The following PDXDC1 variants were observed in gnomAD, a reference collection of about 807,000 sequenced individuals.
The protein encoded by PDXDC1 is pyridoxal dependent decarboxylase domain containing 1, also known as pyridoxal-dependent decarboxylase domain-containing protein 1.
In PDXDC1, 42 loss-of-function variants were observed where a neutral mutation model predicts 100.1. The ratio of observed to expected loss-of-function variants is 0.42; its 90% CI spans 0.33 to 0.54. PDXDC1 has a LOEUF of 0.54. Ranked by LOEUF, PDXDC1 falls within the 20% of genes least tolerant of loss-of-function variation. The pLI is 0.10. For synonymous variants in PDXDC1, 260 were observed against 371.7 expected (o/e 0.70, Z 3.46); for missense variants, 636 against 979.2 (o/e 0.65, Z 4.68).
At chr16:15,137,381 C>A in intron 16 of PDXDC1, 1 of 1,517,514 alleles carries the variant, frequency 6.6e-7, no homozygotes, top group Non-Finnish European at 8.8e-7. Flanking sequence ...CCCACACAGG[C>A]ACCAGCCCTG....
chr16:15,130,578 GC>G (rs1209808649), intron 16 of PDXDC1: 2 of 1,362,864 alleles, frequency 1.5e-6, no homozygotes, highest in Non-Finnish European at 2.1e-6. Context: ...TGTAACCCGG[GC>G]AATGCTGACC....
chr16:15,151,886 G>C, the PDXDC1 span, among the ~76,000 whole-genome samples: 1 of 130,914 alleles, frequency 7.6e-6, no homozygotes, highest in African/African-American at 2.6e-5. Context: ...AGCCGAGATC[G>C]TGCCGTTGCA....
chr16:14,983,914 A>G (rs1388442526), intron 1 of PDXDC1, among the ~76,000 whole-genome samples: 1 of 152,220 alleles, frequency 6.6e-6, no homozygotes, highest in Non-Finnish European at 1.5e-5. Flanking sequence ...TGTAATTTCA[A>G]CACTTTGGGA....
chr16:15,126,613 A>G (rs2047741669), intron 16 of PDXDC1: 1 of 142,456 alleles, frequency 7.0e-6, no homozygotes, highest in South Asian at 2.3e-4. Flanking sequence ...GCTTAGAAAA[A>G]TTCTATCGTG....
chr16:15,140,406 T>G (rs2048450537), downstream of PDXDC1, among the ~76,000 whole-genome samples: 2 of 130,152 alleles, frequency 1.5e-5, no homozygotes, highest in Non-Finnish European at 3.1e-5. Context: ...ATCGCGCCCC[T>G]GCACTCCAGC....
Position 15,036,314 on chromosome 16 carries a change from T to G in PDXDC1, c.*39T>G. On this transcript the variant is annotated 3_prime_UTR_variant, in exon 23 of 23. Coordinates refer to ENST00000396410, the MANE Select transcript of PDXDC1 (RefSeq NM_015027.4). ...GTTTGAGACTGTACTGAGTATTGTT[T>G]CAGGGAAGATGAAGTTCTATTGGAA... is the stretch of plus-strand genomic sequence containing the variant. The G allele has an allele frequency of 6.5e-7, 1 of 1,544,782 alleles. No homozygotes were observed. The highest frequency in any genetic ancestry group is 8.8e-7 in the Non-Finnish European group (1 of 1,132,844).
At chr16:14,996,667 C>G (rs1252524785) in intron 1 of PDXDC1, among the ~76,000 whole-genome samples, 1 of 152,282 alleles carries the variant, frequency 6.6e-6, no homozygotes, top group Non-Finnish European at 1.5e-5. Context: ...TCAGCCTGTG[C>G]AGCATAATGA....
intron 17 of PDXDC1, 178 bp from the exon 18 acceptor site, chr16:15,032,683 C>A (rs2043140554): frequency 8.4e-6 from 3 of 355,054 alleles, no homozygotes; most frequent in Admixed American, 4.6e-5. Flanking sequence ...TTTCCTGTGA[C>A]TTTCTCTTTA....
At chr16:15,019,783 G>A (rs1370614045) in intron 12 of PDXDC1, among the ~76,000 whole-genome samples, 2 of 152,394 alleles carry the variant, frequency 1.3e-5, no homozygotes, top group East Asian at 3.9e-4. Flanking sequence ...TAGGAATTTT[G>A]TGGGGACATA....
intron 16 of PDXDC1, among the ~76,000 whole-genome samples, chr16:15,098,706 CT>C (rs1266784583): frequency 2.0e-5 from 3 of 151,852 alleles, no homozygotes; most frequent in African/African-American, 7.3e-5. Flanking sequence ...TGGAAAAACC[CT>C]GTCTCTACTA....
the PDXDC1 span, among the ~76,000 whole-genome samples, chr16:15,150,334 C>T: frequency 1.3e-5 from 2 of 148,274 alleles, no homozygotes; most frequent in African/African-American, 5.0e-5. Flanking sequence ...GAGTGAGACT[C>T]CATCTCAAAT....
intron 16 of PDXDC1, among the ~76,000 whole-genome samples, chr16:15,122,069 C>G (rs1195397127): frequency 1.3e-5 from 2 of 151,526 alleles, no homozygotes; most frequent in East Asian, 2.0e-4. Context: ...GAGGCTGAGG[C>G]AGGACAATTG....
intron 16 of PDXDC1, chr16:15,125,871 G>A (rs1422023503): frequency 1.5e-5 from 12 of 793,780 alleles, no homozygotes; most frequent in South Asian, 4.2e-5. Flanking sequence ...TGGATGAGAA[G>A]CCACCTCCTC....
intron 16 of PDXDC1, among the ~76,000 whole-genome samples, chr16:15,073,894 A>G (rs1567199672): frequency 1.3e-5 from 2 of 152,150 alleles, no homozygotes; most frequent in Non-Finnish European, 2.9e-5. Context: ...CTGGGATTCA[A>G]TAACAATTAT....
At chr16:15,023,898 A>C (rs916540335) in intron 13 of PDXDC1, among the ~76,000 whole-genome samples, 1 of 152,286 alleles carries the variant, frequency 6.6e-6, no homozygotes, top group African/African-American at 2.4e-5. Context: ...CTTGACTGTC[A>C]AATGAAAGTA....
At position 15,036,343 on chromosome 16, in the gene PDXDC1, T is replaced by G; in HGVS notation, c.*68T>G. ...GGAAGATGAAGTTCTATTGGAAATGTGAACTGTGCCACATACTAATATAAA... is the reference window on the plus strand; with the variant it reads ...GGAAGATGAAGTTCTATTGGAAATGGGAACTGTGCCACATACTAATATAAA... On this transcript the variant is annotated 3_prime_UTR_variant, in exon 23 of 23. Transcript: ENST00000396410. 7.2e-7 allele frequency: 1 copy of G among 1,381,052 alleles called. No individual in the cohort carries two copies. The highest frequency in any genetic ancestry group is 1.3e-5 in the South Asian group (1 of 77,006). The allele number at this position is 1,381,052 out of a possible 1,614,324, so 85.5% of individuals were successfully genotyped here. A position where few individuals can be genotyped will look rare whatever the true frequency, so the allele number is the denominator to read the frequency against.
At chr16:15,061,862 A>AC in intron 16 of PDXDC1, 1 of 1,613,474 alleles carries the variant, frequency 6.2e-7, no homozygotes, top group Non-Finnish European at 8.5e-7. Flanking sequence ...ATTCTGGGGC[A>AC]CTTCGCCTTT....
At chr16:15,004,386 G>A in intron 5 of PDXDC1, 53 bp downstream of exon 5, 1 of 1,602,876 alleles carries the variant, frequency 6.2e-7, no homozygotes, top group South Asian at 1.1e-5. Context: ...GGTGTAGACT[G>A]AAAGATCTTT....
intron 16 of PDXDC1, chr16:15,136,091 C>A (rs1485757963): frequency 1.3e-6 from 2 of 1,582,466 alleles, no homozygotes; most frequent in Non-Finnish European, 1.7e-6. Flanking sequence ...CCCACCTCCA[C>A]CCGCTGCACA....
Sources: gnomAD v4.1 joint callset for allele counts (sites outside exome capture counted in the v4.1 genomes callset) on GRCh38, gnomAD v4.1.1 for gene constraint, MANE v1.5 for transcripts, NCBI Gene and HGNC (gene_info 2026-07-23, HGNC 2026-07-21) for gene names.